AFTPH: variants seen among roughly 807,000 people sequenced by gnomAD.
The protein encoded by AFTPH is aftiphilin.
Under a neutral mutation model 72.5 loss-of-function variants are expected in AFTPH, and 7 were observed. The ratio of observed to expected loss-of-function variants is 0.10; its 90% CI spans 0.05 to 0.18. AFTPH has a LOEUF of 0.18. AFTPH is among the 10% of genes least tolerant of loss of function. The probability of loss-of-function intolerance (pLI) is 1.00; values close to 1 mark genes in which losing one functional copy is unlikely to be tolerated. For missense variants in AFTPH, 979 were observed against 1,060.5 expected (o/e 0.92, Z 1.07); for synonymous variants, 337 against 370.1 (o/e 0.91, Z 1.03).
intron 7 of AFTPH, among the ~76,000 whole-genome samples, chr2:64,584,570 T>G (rs1452456727): frequency 2.0e-5 from 3 of 151,934 alleles, no homozygotes; most frequent in African/African-American, 7.3e-5. Context: ...GTGGTATATG[T>G]TTATGATTAG....
At chr2:64,548,841 G>T (rs1381677152) in intron 1 of AFTPH, among the ~76,000 whole-genome samples, 1 of 152,102 alleles carries the variant, frequency 6.6e-6, no homozygotes, top group Non-Finnish European at 1.5e-5. Flanking sequence ...GAAGAGTATG[G>T]CAGAGCAAAG....
chr2:64,572,265 G>A (rs929151361), intron 5 of AFTPH, among the ~76,000 whole-genome samples: 2 of 151,382 alleles, frequency 1.3e-5, no homozygotes, highest in African/African-American at 4.9e-5. Flanking sequence ...CAAACCCTGT[G>A]GAACCTGTAA....
intron 7 of AFTPH, among the ~76,000 whole-genome samples, chr2:64,582,695 A>T (rs913062173): frequency 1.3e-5 from 2 of 152,220 alleles, no homozygotes; most frequent in African/African-American, 4.8e-5. Flanking sequence ...TTAAGCTCCC[A>T]TTTTAAATTT....
intron 1 of AFTPH, among the ~76,000 whole-genome samples, chr2:64,547,437 T>G (rs1276256985): frequency 6.6e-6 from 1 of 152,218 alleles, no homozygotes; most frequent in African/African-American, 2.4e-5. Context: ...TGGTGCATGA[T>G]TTCAGTGTTC....
chr2:64,535,182 A>C (rs1669822538), intron 1 of AFTPH, among the ~76,000 whole-genome samples: 2 of 152,356 alleles, frequency 1.3e-5, no homozygotes, highest in African/African-American at 2.4e-5. Context: ...TTAGCAGTTC[A>C]GTTTAGAAAC....
At chr2:64,536,566 TAAAAAAAAAAA>T (rs142981388) in intron 1 of AFTPH, among the ~76,000 whole-genome samples, 2 of 107,644 alleles carry the variant, frequency 1.9e-5, no homozygotes, top group Non-Finnish European at 2.0e-5. Flanking sequence ...GACTCCATCT[TAAAAAAAAAAA>T]AAAAAAAAAA....
intron 3 of AFTPH, among the ~76,000 whole-genome samples, chr2:64,568,222 C>T (rs1446652200): frequency 1.3e-5 from 2 of 152,166 alleles, no homozygotes; most frequent in Admixed American, 1.3e-4. Context: ...TTCTCCTCCC[C>T]TCATCTTCCC....
chr2:64,592,766 T>C (rs980319159), exon 9 of AFTPH: 1 of 152,622 alleles, frequency 6.6e-6, no homozygotes, highest in Non-Finnish European at 1.5e-5. Flanking sequence ...TGTTCTATTG[T>C]ACCACTATTT....
chr2:64,592,199 T>C, exon 9 of AFTPH: 1 of 558,166 alleles, frequency 1.8e-6, no homozygotes, highest in Non-Finnish European at 2.9e-6. Context: ...TGTATATTTA[T>C]TTACATACTG....
rs774947965 is a variant in AFTPH at position 64,553,536 on chromosome 2, C to T, written c.1935+127C>T. 477 of 1,020,628 alleles carry T rather than the reference C, an allele frequency of 4.7e-4. 1 individual carries two copies. The highest frequency in any genetic ancestry group is 5.8e-4 in the Non-Finnish European group (441 of 753,998). 63.2% of individuals were successfully genotyped at this position (1,020,628 alleles called of 1,614,324 possible). A position where few individuals can be genotyped will look rare whatever the true frequency, so the allele number is the denominator to read the frequency against. ...AGGAGTCTCGTTATGATGTATAATG[C>T]CTGTCTGATTTGTGGGTTGGTTACA... is the stretch of plus-strand genomic sequence containing the variant. On this transcript the variant is annotated intron_variant, in intron 2 of 8. Transcript: ENST00000238856.
intron 1 of AFTPH, among the ~76,000 whole-genome samples, chr2:64,545,569 G>GGAAAA (rs1670533872): frequency 3.3e-5 from 1 of 30,698 alleles, no homozygotes; most frequent in Non-Finnish European, 7.9e-5. Context: ...GCCACCAGCA[G>GGAAAA]TAAAAAAAAA....
chr2:64,533,249 A>T (rs1669722926), intron 1 of AFTPH, among the ~76,000 whole-genome samples: 1 of 152,082 alleles, frequency 6.6e-6, no homozygotes, highest in South Asian at 2.1e-4. Context: ...AATATAAAAA[A>T]TTAGCCAGAT....
chr2:64,546,033 C>T (rs1279896980), intron 1 of AFTPH, among the ~76,000 whole-genome samples: 1 of 152,046 alleles, frequency 6.6e-6, no homozygotes, highest in Non-Finnish European at 1.5e-5. Flanking sequence ...GCTGGGATTA[C>T]AGGCACCCGC....
At chr2:64,545,069 G>A (rs559223877) in intron 1 of AFTPH, among the ~76,000 whole-genome samples, 2 of 152,234 alleles carry the variant, frequency 1.3e-5, no homozygotes, top group South Asian at 4.1e-4. Context: ...TTGCATTAAT[G>A]TCTGAGTTTG....
At chr2:64,580,151 TTATTTCAGTAATG>T (rs1673095298) in intron 7 of AFTPH, 1 of 152,668 alleles carries the variant, frequency 6.6e-6, no homozygotes, top group Non-Finnish European at 1.5e-5. Flanking sequence ...AAGGAATAAC[TTATTTCAGTAATG>T]TAATGTGGGC....
At chr2:64,530,678 TCATACATATA>T (rs1367663059) in intron 1 of AFTPH, among the ~76,000 whole-genome samples, 1 of 152,222 alleles carries the variant, frequency 6.6e-6, no homozygotes, top group African/African-American at 2.4e-5. Flanking sequence ...TGTGAGCATG[TCATACATATA>T]CATATGAATC....
intron 7 of AFTPH, among the ~76,000 whole-genome samples, chr2:64,582,256 C>G (rs753715908): frequency 5.9e-5 from 9 of 152,184 alleles, no homozygotes; most frequent in Non-Finnish European, 1.3e-4. Flanking sequence ...TGCTATTCCA[C>G]TAGATAGTGC....
chr2:64,560,256 C>G (rs1457341955), intron 2 of AFTPH, among the ~76,000 whole-genome samples: 2 of 151,988 alleles, frequency 1.3e-5, no homozygotes, highest in Admixed American at 6.6e-5. Context: ...TACCCCGAGA[C>G]ATAAAGACAT....
intron 8 of AFTPH, among the ~76,000 whole-genome samples, chr2:64,591,681 T>C (rs1446692297): frequency 1.3e-5 from 2 of 152,098 alleles, no homozygotes; most frequent in African/African-American, 4.8e-5. Context: ...TGAACATAAA[T>C]AGGCCGCACG....
Sources: allele counts gnomAD v4.1 joint callset (sites outside exome capture counted in the v4.1 genomes callset), GRCh38; gene constraint gnomAD v4.1.1; transcripts MANE v1.5; gene names NCBI Gene and HGNC (gene_info 2026-07-23, HGNC 2026-07-21).